LIPI: variants seen among roughly 807,000 people sequenced by gnomAD.
LIPI encodes lipase I.
In LIPI, 59 loss-of-function variants were observed where a neutral mutation model predicts 50.6. The observed-to-expected ratio is 1.16, with a 90% CI of 0.94 to 1.45. The LOEUF is 1.45. Ranked by LOEUF, LIPI falls within the 40% of genes most tolerant of loss-of-function variation. The pLI is 0.00. For missense variants in LIPI, 586 were observed against 536.3 expected, an observed-to-expected ratio of 1.09 and a Z score of -0.92; for synonymous variants, 203 against 178.2, an observed-to-expected ratio of 1.14 and a Z score of -1.11.
At chr21:14,196,207 CTG>C (rs2019845883) in intron 1 of LIPI, among the ~76,000 whole-genome samples, 1 of 146,574 alleles carries the variant, frequency 6.8e-6, no homozygotes, top group African/African-American at 2.5e-5. Flanking sequence ...TGTGGCATGT[CTG>C]TGTAATTTAA....
intron 1 of LIPI, among the ~76,000 whole-genome samples, chr21:14,205,477 G>A (rs747699930): frequency 6.6e-6 from 1 of 151,724 alleles, no homozygotes; most frequent in African/African-American, 2.4e-5. Flanking sequence ...TATTTATATA[G>A]TACTCATTTT....
chr21:14,131,395 G>C (rs565051567), intron 9 of LIPI, among the ~76,000 whole-genome samples: 1 of 152,212 alleles, frequency 6.6e-6, no homozygotes, highest in African/African-American at 2.4e-5. Context: ...TCAAAACTTT[G>C]CCACAACATC....
intron 9 of LIPI, among the ~76,000 whole-genome samples, chr21:14,128,007 GA>G (rs567267499): frequency 6.6e-6 from 1 of 151,690 alleles, no homozygotes; most frequent in African/African-American, 2.4e-5. Flanking sequence ...TTAACTTAGG[GA>G]AAAAAAATGC....
At chr21:14,168,308 G>A (rs1480720814) in intron 4 of LIPI, among the ~76,000 whole-genome samples, 2 of 152,178 alleles carry the variant, frequency 1.3e-5, no homozygotes, top group Non-Finnish European at 2.9e-5. Flanking sequence ...TTATCCAGGA[G>A]GACTTCCCCA....
At chr21:14,194,860 A>C (rs424502) in intron 1 of LIPI, among the ~76,000 whole-genome samples, 26,868 of 152,200 alleles carry the variant, frequency 0.18, 2,848 homozygotes, top group South Asian at 0.29. Flanking sequence ...ACAAAACATT[A>C]AGAATCCAAT....
chr21:14,205,053 A>G (rs1335546040), intron 1 of LIPI, among the ~76,000 whole-genome samples: 2 of 151,802 alleles, frequency 1.3e-5, no homozygotes, highest in African/African-American at 4.8e-5. Flanking sequence ...GAAAAAGAAT[A>G]CTATAGTTGA....
chr21:14,183,168 C>T (rs2123251510), intron 3 of LIPI, among the ~76,000 whole-genome samples: 1 of 152,288 alleles, frequency 6.6e-6, no homozygotes, highest in South Asian at 2.1e-4. Flanking sequence ...AGAAATAATG[C>T]TGCATATCTA....
At chr21:14,188,951 T>C in intron 2 of LIPI, 83 bp downstream of exon 2, 2 of 1,114,794 alleles carry the variant, frequency 1.8e-6, no homozygotes, top group South Asian at 1.2e-5. Flanking sequence ...CACTTTGTGG[T>C]ATTGAATGTA....
At chr21:14,197,549 A>G (rs1032606680) in intron 1 of LIPI, among the ~76,000 whole-genome samples, 1 of 152,114 alleles carries the variant, frequency 6.6e-6, no homozygotes, top group Non-Finnish European at 1.5e-5. Flanking sequence ...GAAATAAGAC[A>G]GGCAGACAAG....
intron 1 of LIPI, chr21:14,206,685 A>C (rs2020234758): frequency 1.6e-6 from 1 of 639,554 alleles, no homozygotes; most frequent in Non-Finnish European, 2.7e-6. Context: ...ATTTGTTAAC[A>C]ACAACAATAT....
At chr21:14,175,679 G>A (rs2019069326) in intron 4 of LIPI, among the ~76,000 whole-genome samples, 1 of 152,090 alleles carries the variant, frequency 6.6e-6, no homozygotes, top group South Asian at 2.1e-4. Flanking sequence ...TCACATGTAT[G>A]CATACCACAA....
chr21:14,119,802 C>T (rs944136919), intron 9 of LIPI, among the ~76,000 whole-genome samples: 1 of 152,170 alleles, frequency 6.6e-6, no homozygotes, highest in African/African-American at 2.4e-5. Flanking sequence ...AGCAACTAGA[C>T]TTTGTGGCTA....
chr21:14,118,029 G>T (rs536281344), intron 9 of LIPI, among the ~76,000 whole-genome samples: 1 of 151,880 alleles, frequency 6.6e-6, no homozygotes, highest in South Asian at 2.1e-4. Context: ...ACTAGAGAGA[G>T]ATCAATGTGT....
intron 9 of LIPI, 28 bp from the exon 10 acceptor site, chr21:14,109,108 A>G (rs769404233): frequency 5.2e-6 from 8 of 1,543,644 alleles, no homozygotes; most frequent in Non-Finnish European, 7.2e-6. Flanking sequence ...GGAGAGAACA[A>G]AAAAATAACT....
chr21:14,140,409 A>C (rs2017663008), intron 9 of LIPI, among the ~76,000 whole-genome samples: 1 of 152,122 alleles, frequency 6.6e-6, no homozygotes, highest in South Asian at 2.1e-4. Flanking sequence ...TTTATATATA[A>C]ATAATTTAAA....
chr21:14,206,057 TA>T (rs1240441063), intron 1 of LIPI, among the ~76,000 whole-genome samples: 1 of 152,110 alleles, frequency 6.6e-6, no homozygotes, highest in East Asian at 1.9e-4. Context: ...ATGTTAAAAA[TA>T]CCAAAGACAC....
chr21:14,177,014 T>A (rs537334143), intron 4 of LIPI, among the ~76,000 whole-genome samples: 7 of 152,212 alleles, frequency 4.6e-5, no homozygotes, highest in Non-Finnish European at 7.4e-5. Flanking sequence ...AGTTCTCAGG[T>A]GTAATGTTCT....
chr21:14,110,398 G>A (rs761123117), intron 9 of LIPI, among the ~76,000 whole-genome samples: 24 of 151,216 alleles, frequency 1.6e-4, no homozygotes, highest in Non-Finnish European at 3.0e-4. Flanking sequence ...TTATGTACAT[G>A]GTGTTTTGAA....
intron 8 of LIPI, among the ~76,000 whole-genome samples, chr21:14,150,872 A>C (rs370963497): frequency 1.3e-5 from 2 of 152,312 alleles, no homozygotes; most frequent in South Asian, 4.1e-4. Flanking sequence ...ACGGAAGGTT[A>C]GTTTAAAAAG....
Sources: gnomAD v4.1 joint callset for allele counts (sites outside exome capture counted in the v4.1 genomes callset) on GRCh38, gnomAD v4.1.1 for gene constraint, MANE v1.5 for transcripts, NCBI Gene and HGNC (gene_info 2026-07-23, HGNC 2026-07-21) for gene names.